MGAT4C: variants seen among roughly 807,000 people sequenced by gnomAD.
The protein encoded by MGAT4C is MGAT4 family member C, also known as alpha-1,3-mannosyl-glycoprotein 4-beta-N-acetylglucosaminyltransferase C.
MGAT4C carries 19 observed loss-of-function variants against 40.1 expected under a neutral mutation model. That is an observed-to-expected ratio of 0.47 (90% CI 0.33 to 0.70). The LOEUF (loss-of-function observed/expected upper bound fraction) is 0.70. Ranked by LOEUF, MGAT4C falls within the 30% of genes least tolerant of loss-of-function variation. The pLI is 0.02. For synonymous variants in MGAT4C, 181 were observed against 187.1 expected, an observed-to-expected ratio of 0.97 and a Z score of 0.27; for missense variants, 491 against 563.2, an observed-to-expected ratio of 0.87 and a Z score of 1.30.
intron 3 of MGAT4C, among the ~76,000 whole-genome samples, chr12:86,374,775 G>A (rs1018062062): frequency 1.4e-4 from 21 of 152,066 alleles, no homozygotes; most frequent in Admixed American, 5.2e-4. Flanking sequence ...CATATTTATT[G>A]AAGGCTTACT....
intron 2 of MGAT4C, among the ~76,000 whole-genome samples, chr12:86,485,148 A>T (rs1247787620): frequency 6.6e-6 from 1 of 152,202 alleles, no homozygotes; most frequent in East Asian, 1.9e-4. Context: ...GATGAGAAAG[A>T]ATCGGCATAA....
intron 1 of MGAT4C, among the ~76,000 whole-genome samples, chr12:86,082,454 TATTTCTTCAGAG>T (rs1871011001): frequency 6.6e-6 from 1 of 152,204 alleles, no homozygotes; most frequent in African/African-American, 2.4e-5. Context: ...TGTATTACTG[TATTTCTTCAGAG>T]ACAATCTGGA....
At chr12:86,615,087 A>G (rs1962407709) in intron 2 of MGAT4C, among the ~76,000 whole-genome samples, 1 of 152,014 alleles carries the variant, frequency 6.6e-6, no homozygotes, top group Non-Finnish European at 1.5e-5. Context: ...TATAGGTATT[A>G]TATATGGTTA....
intron 1 of MGAT4C, among the ~76,000 whole-genome samples, chr12:86,218,384 G>T (rs1185922615): frequency 6.6e-6 from 1 of 151,776 alleles, no homozygotes; most frequent in Non-Finnish European, 1.5e-5. Flanking sequence ...ATTTTTTATT[G>T]TTGTCAAATT....
intron 1 of MGAT4C, among the ~76,000 whole-genome samples, chr12:86,181,157 G>A (rs940360570): frequency 1.3e-5 from 2 of 151,950 alleles, no homozygotes; most frequent in Non-Finnish European, 1.5e-5. Flanking sequence ...TTCTCTTGCC[G>A]CGGCCATGTA....
intron 2 of MGAT4C, among the ~76,000 whole-genome samples, chr12:86,637,320 TC>T (rs1963249137): frequency 6.6e-6 from 1 of 151,990 alleles, no homozygotes; most frequent in Non-Finnish European, 1.5e-5. Flanking sequence ...GAGTTGCATA[TC>T]TTTTTCACAA....
At chr12:86,108,121 C>A (rs1334758837) in intron 1 of MGAT4C, among the ~76,000 whole-genome samples, 2 of 152,030 alleles carry the variant, frequency 1.3e-5, no homozygotes, top group Non-Finnish European at 2.9e-5. Context: ...ATTCACTGAA[C>A]AAACTGCCTT....
chr12:86,085,925 C>T (rs906384879), intron 1 of MGAT4C, among the ~76,000 whole-genome samples: 5 of 152,050 alleles, frequency 3.3e-5, no homozygotes, highest in Non-Finnish European at 7.4e-5. Context: ...AATAGGAATG[C>T]TTTTACACTG....
chr12:86,495,590 C>A (rs2136328080), intron 2 of MGAT4C, among the ~76,000 whole-genome samples: 1 of 152,090 alleles, frequency 6.6e-6, no homozygotes, highest in East Asian at 1.9e-4. Flanking sequence ...CTGCTTGATT[C>A]AATTGTACTG....
chr12:86,203,126 C>A (rs1950111532), intron 1 of MGAT4C, among the ~76,000 whole-genome samples: 1 of 151,616 alleles, frequency 6.6e-6, no homozygotes, highest in South Asian at 2.1e-4. Flanking sequence ...GAGATAATTT[C>A]TTTCTTTATA....
At chr12:86,244,411 C>A (rs190091671) in intron 1 of MGAT4C, among the ~76,000 whole-genome samples, 120 of 152,284 alleles carry the variant, frequency 7.9e-4, no homozygotes, top group Admixed American at 2.9e-3. Context: ...CACCTCAGAC[C>A]TTCTAGTTCT....
intron 1 of MGAT4C, among the ~76,000 whole-genome samples, chr12:86,774,327 C>CTTTCTTTCTTTCTTTCTTTCT (rs1565981576): frequency 9.8e-6 from 1 of 102,508 alleles, no homozygotes; most frequent in African/African-American, 3.6e-5. Context: ...TTCTTTCTTT[C>CTTTCTTTCTTTCTTTCTTTCT]TTTCTTTCTT....
At chr12:86,307,715 T>G (rs1356641183) in intron 4 of MGAT4C, among the ~76,000 whole-genome samples, 1 of 150,440 alleles carries the variant, frequency 6.6e-6, no homozygotes, top group Non-Finnish European at 1.5e-5. Flanking sequence ...TTTATTTATT[T>G]TTTTTGAGAC....
chr12:86,296,288 G>A (rs1287882120), intron 4 of MGAT4C, among the ~76,000 whole-genome samples: 1 of 152,066 alleles, frequency 6.6e-6, no homozygotes, highest in Non-Finnish European at 1.5e-5. Flanking sequence ...CCCTGAGCTA[G>A]ACATAAAAAC....
At chr12:86,303,979 T>TAA (rs1953875234) in intron 4 of MGAT4C, among the ~76,000 whole-genome samples, 1 of 150,378 alleles carries the variant, frequency 6.6e-6, no homozygotes, top group African/African-American at 2.5e-5. Flanking sequence ...GAATAGAAAG[T>TAA]AGGCATTCCA....
At chr12:86,144,403 A>G (rs1439270557) in intron 1 of MGAT4C, among the ~76,000 whole-genome samples, 2 of 152,160 alleles carry the variant, frequency 1.3e-5, no homozygotes, top group Admixed American at 6.5e-5. Flanking sequence ...TCTTATCTCT[A>G]CTTAATATAG....
intron 3 of MGAT4C, among the ~76,000 whole-genome samples, chr12:86,379,359 A>C (rs1592764454): frequency 6.6e-6 from 1 of 152,244 alleles, no homozygotes; most frequent in Admixed American, 6.5e-5. Flanking sequence ...ATATTGGCTA[A>C]AAATTGAAAT....
chr12:86,226,883 A>T (rs1602848), intron 1 of MGAT4C, among the ~76,000 whole-genome samples: 97,192 of 151,674 alleles, frequency 0.64, 32,010 homozygotes, highest in South Asian at 0.76. Flanking sequence ...TGGACCCTGC[A>T]ACCCACTCCT....
rs112351854 is a variant in MGAT4C, at chr12:86,017,958, C to G, written c.-6-28406G>C. Among the ~76,000 whole-genome samples the G allele has an allele frequency of 4.2e-3, 641 of 152,194 alleles. 3 individuals carry two copies. Among genetic ancestry groups the G allele is most frequent in the African/African-American group, 0.015 (617 of 41,542 alleles). The stretch of plus-strand genomic sequence containing the variant: ...TTTTCATCAACTCAAGAAAAATGCT[C>G]ATTTATTAAGGAATTGATGCTGATA... On this transcript the variant is annotated intron_variant, in intron 2 of 4. Transcript: ENST00000611864.
Sources: gnomAD v4.1 joint callset for allele counts (sites outside exome capture counted in the v4.1 genomes callset) on GRCh38, gnomAD v4.1.1 for gene constraint, MANE v1.5 for transcripts, NCBI Gene and HGNC (gene_info 2026-07-23, HGNC 2026-07-21) for gene names.